YARS1: variants seen among roughly 807,000 people sequenced by gnomAD.
The protein encoded by YARS1 is tyrosyl-tRNA synthetase 1.
Under a neutral mutation model 62.2 loss-of-function variants are expected in YARS1, and 36 were observed. The ratio of observed to expected loss-of-function variants is 0.58; its 90% CI spans 0.44 to 0.76. The LOEUF is 0.76. YARS1 is among the 30% of genes least tolerant of loss of function. The pLI, the probability that YARS1 is intolerant of heterozygous loss-of-function variation, is 0.00. For synonymous variants in YARS1, 234 were observed against 244.9 expected, an observed-to-expected ratio of 0.96 and a Z score of 0.42; for missense variants, 524 against 639.8, an observed-to-expected ratio of 0.82 and a Z score of 1.95.
intron 6 of YARS1, among the ~76,000 whole-genome samples, chr1:32,790,291 G>A (rs1306964039): frequency 8.1e-5 from 12 of 147,466 alleles, no homozygotes; most frequent in Non-Finnish European, 1.8e-4. Context: ...GGTGGATCAC[G>A]AGGTCAGGAG....
rs546355964 is a variant in YARS1, at chr1:32,801,616, A to T, written c.511-3773T>A. ...ACAATGAAGTTTGCCACATCAATTG[A>T]CTCTCCCTTTCACGAAAGATTTATC... On this transcript the variant is annotated intron_variant, in intron 4 of 12. Transcript: ENST00000373477. Among the ~76,000 whole-genome samples, 9 of 151,588 alleles carry T rather than the reference A, an allele frequency of 5.9e-5. No homozygotes were observed. The South Asian group carries it at 1.5e-3, about 25-fold the overall frequency.
intron 6 of YARS1, 124 bp downstream of exon 6, chr1:32,791,038 T>C: frequency 1.1e-6 from 1 of 899,370 alleles, no homozygotes; most frequent in Non-Finnish European, 1.9e-6. Flanking sequence ...AATTGAATGG[T>C]GTAAGGCTCC....
At chr1:32,790,635 CTT>C (rs554417955) in intron 6 of YARS1, 77 of 139,194 alleles carry the variant, frequency 5.5e-4, no homozygotes, top group Admixed American at 1.4e-3. Flanking sequence ...CTAATCAACA[CTT>C]TTTTTTTTTT....
intron 4 of YARS1, among the ~76,000 whole-genome samples, chr1:32,805,231 G>C (rs1300758770): frequency 1.2e-5 from 1 of 86,176 alleles, no homozygotes; most frequent in Non-Finnish European, 2.4e-5. Context: ...AGGGGAGAGG[G>C]GGAGAGGGGG....
Position 32,779,528 on chromosome 1 carries a change from G to C in YARS1, c.1335-5C>G. ...ACCTGGCGGTTTATCCCTTCTCTGGGAAGACACAGGACAAGAGAAGAGTGA... is the reference window on the plus strand; with the variant it reads ...ACCTGGCGGTTTATCCCTTCTCTGGCAAGACACAGGACAAGAGAAGAGTGA... On this transcript the variant is annotated splice_polypyrimidine_tract_variant and splice_region_variant and intron_variant, in intron 11 of 12. Transcript: ENST00000373477. The C allele has an allele frequency of 6.2e-7, 1 of 1,614,188 alleles. No individual in the cohort carries two copies.
Position 32,806,382 on chromosome 1 carries a change from C to T in YARS1, c.510+100G>A. The T allele has an allele frequency of 3.8e-6, 6 of 1,591,094 alleles. No individual in the cohort carries two copies. The South Asian group carries it at 6.7e-5, about 18-fold the overall frequency. On this transcript the variant is annotated intron_variant, in intron 4 of 12. Transcript: ENST00000373477. ...ACACACCTTCAATTTGTAAAAAACA[C>T]AATATCTGCGTAGTGCAGTAAAGCA...
At chr1:32,814,681 C>T (rs1044187815) in intron 1 of YARS1, among the ~76,000 whole-genome samples, 12 of 152,218 alleles carry the variant, frequency 7.9e-5, no homozygotes, top group African/African-American at 2.7e-4. Context: ...TGAGCCACTG[C>T]GCTTGGCCCC....
At chr1:32,815,135 G>A (rs1035369169) in intron 1 of YARS1, among the ~76,000 whole-genome samples, 40 of 152,150 alleles carry the variant, frequency 2.6e-4, no homozygotes, top group African/African-American at 9.2e-4. Flanking sequence ...GATAACTTGA[G>A]GTCAGGAATT....
intron 4 of YARS1, among the ~76,000 whole-genome samples, chr1:32,805,644 T>A (rs970652401): frequency 1.3e-5 from 2 of 152,170 alleles, no homozygotes; most frequent in Non-Finnish European, 2.9e-5. Context: ...CTAAGCTTAA[T>A]CATTTCTAGG....
In YARS1 at chr1:32,779,847, T is replaced by G. The variant is rs1442104548; in HGVS notation, c.1334+238A>C. 2.1e-5 allele frequency: 13 copies of G among 617,692 alleles called. No homozygotes were observed. In the East Asian group the frequency reaches 2.8e-4, roughly 13 times the overall value. 38.3% of individuals were successfully genotyped at this position (617,692 alleles called of 1,614,324 possible). A position where few individuals can be genotyped will look rare whatever the true frequency, so the allele number is the denominator to read the frequency against. On this transcript the variant is annotated intron_variant, in intron 11 of 12. Transcript: ENST00000373477. Reference sequence around the variant, plus strand: ...TCCACTCCTTACTAGTAGTAAGACTTGGGTATGTACTGGTTTGAGCCCTCC... The same window carrying G: ...TCCACTCCTTACTAGTAGTAAGACTGGGGTATGTACTGGTTTGAGCCCTCC...
chr1:32,792,705 C>T (rs60802151), intron 5 of YARS1, among the ~76,000 whole-genome samples: 20,800 of 151,712 alleles, frequency 0.14, 1,773 homozygotes, highest in South Asian at 0.23. Context: ...ACGGTGAAAC[C>T]CCGTCTCTAC....
At chr1:32,795,002 CAAAAAAA>C (rs71278770) in intron 5 of YARS1, among the ~76,000 whole-genome samples, 7 of 22,866 alleles carry the variant, frequency 3.1e-4, no homozygotes, top group Non-Finnish European at 3.8e-4. Flanking sequence ...GACTCTGTCT[CAAAAAAA>C]AAAAAAAAAA....
chr1:32,777,108 C>T (rs1652890262), intron 12 of YARS1, among the ~76,000 whole-genome samples: 1 of 151,432 alleles, frequency 6.6e-6, no homozygotes, highest in African/African-American at 2.4e-5. Flanking sequence ...TGGCTCACTG[C>T]AACCTCCACC....
chr1:32,786,214 G>T (rs1653221374), intron 8 of YARS1, 148 bp downstream of exon 8: 3 of 763,104 alleles, frequency 3.9e-6, no homozygotes, highest in Non-Finnish European at 4.4e-6. Context: ...AAGGAAAATG[G>T]ACACTAGTGA....
intron 5 of YARS1, among the ~76,000 whole-genome samples, chr1:32,791,803 AAAAAAC>A (rs1402825909): frequency 6.6e-6 from 1 of 151,674 alleles, no homozygotes; most frequent in Non-Finnish European, 1.5e-5. Flanking sequence ...ACTCCATCTC[AAAAAAC>A]AAAAACAAAA....
chr1:32,814,571 G>T (rs1419131171), intron 1 of YARS1, among the ~76,000 whole-genome samples: 1 of 152,122 alleles, frequency 6.6e-6, no homozygotes, highest in Non-Finnish European at 1.5e-5. Flanking sequence ...TGTATTTTTA[G>T]TAGAGATGGG....
At chr1:32,816,441 G>A (rs952777799) in intron 1 of YARS1, among the ~76,000 whole-genome samples, 1 of 152,152 alleles carries the variant, frequency 6.6e-6, no homozygotes, top group Admixed American at 6.5e-5. Context: ...GGTGCCAGAG[G>A]GTTTGTTATT....
intron 12 of YARS1, among the ~76,000 whole-genome samples, chr1:32,777,810 C>T (rs566119543): frequency 6.6e-6 from 1 of 152,152 alleles, no homozygotes; most frequent in East Asian, 1.9e-4. Flanking sequence ...TCTAATTAAT[C>T]AACAGCATTT....
intron 1 of YARS1, 68 bp downstream of exon 1, chr1:32,817,120 G>A (rs1156488393): frequency 3.8e-6 from 6 of 1,596,954 alleles, no homozygotes; most frequent in Non-Finnish European, 5.2e-6. Context: ...ACCCCGTAAT[G>A]GGGCTCAAAA....
Sources: gnomAD v4.1 joint callset for allele counts (sites outside exome capture counted in the v4.1 genomes callset) on GRCh38, gnomAD v4.1.1 for gene constraint, MANE v1.5 for transcripts, NCBI Gene and HGNC (gene_info 2026-07-23, HGNC 2026-07-21) for gene names.